The following GAN variants were observed in gnomAD, a reference collection of about 807,000 sequenced individuals.
GAN encodes gigaxonin.
GAN carries 48 observed loss-of-function variants against 71.3 expected under a neutral mutation model. That is an observed-to-expected ratio of 0.67 (90% CI 0.53 to 0.86). GAN has a LOEUF of 0.86. GAN is among the 40% of genes least tolerant of loss of function. The pLI, the probability that GAN is intolerant of heterozygous loss-of-function variation, is 0.00. For synonymous variants in GAN, 386 were observed against 276.8 expected, an observed-to-expected ratio of 1.39 and a Z score of -3.92; for missense variants, 928 against 770.1, an observed-to-expected ratio of 1.21 and a Z score of -2.43.
In GAN at chr16:81,340,263, T is replaced by A. The variant is rs560565036; in HGVS notation, c.168-11320T>A. ...CAAAACCTGTACTCATTAGAAATGA[T>A]CCTCTTTCATTGTGGAAACATATGA... On this transcript the variant is annotated intron_variant, in intron 1 of 10. Coordinates refer to ENST00000648994, the MANE Select transcript of GAN (RefSeq NM_022041.4). Among the ~76,000 whole-genome samples the A allele has an allele frequency of 3.9e-5, 6 of 152,270 alleles. No individual in the cohort carries two copies. The South Asian group carries it at 1.2e-3, about 32-fold the overall frequency.
At chr16:81,337,136 G>A (rs1334140624) in intron 1 of GAN, among the ~76,000 whole-genome samples, 1 of 152,138 alleles carries the variant, frequency 6.6e-6, no homozygotes, top group African/African-American at 2.4e-5. Flanking sequence ...CAAAAAAGCA[G>A]TTGGAGGGCA....
chr16:81,339,954 C>T (rs1431478557), intron 1 of GAN, among the ~76,000 whole-genome samples: 2 of 152,146 alleles, frequency 1.3e-5, no homozygotes, highest in African/African-American at 2.4e-5. Context: ...TACAGCAATT[C>T]ATTTTTTCAT....
intron 1 of GAN, among the ~76,000 whole-genome samples, chr16:81,351,229 G>T (rs1910289671): frequency 6.6e-6 from 1 of 152,106 alleles, no homozygotes; most frequent in Non-Finnish European, 1.5e-5. Flanking sequence ...GCAGGTTTGT[G>T]GAGTCCTTGT....
At position 81,378,948 on chromosome 16, in the gene GAN, T is replaced by G. The variant is rs1327354369; in HGVS notation, c.*1352T>G. ...TGTGAAATCGGGGACTTCAAAGTGC[T>G]TGATTCCTTCCTAAATTGAATTTTA... On this transcript the variant is annotated 3_prime_UTR_variant, in exon 11 of 11. Transcript: ENST00000648994. The G allele has an allele frequency of 6.6e-6, 1 of 152,386 alleles. No individual in the cohort carries two copies. The highest frequency in any genetic ancestry group is 1.5e-5 in the Non-Finnish European group (1 of 68,036). The allele number at this position is 152,386 out of a possible 1,614,324, so 9.4% of individuals were successfully genotyped here.
intron 3 of GAN, among the ~76,000 whole-genome samples, chr16:81,355,006 T>A (rs1465375567): frequency 3.3e-5 from 5 of 152,188 alleles, no homozygotes; most frequent in African/African-American, 1.2e-4. Flanking sequence ...TGTATGTTGT[T>A]TTTAATGGGA....
intron 6 of GAN, among the ~76,000 whole-genome samples, 190 bp downstream of exon 6, chr16:81,362,801 GT>G (rs1249118304): frequency 6.6e-6 from 1 of 152,060 alleles, no homozygotes; most frequent in Non-Finnish European, 1.5e-5. Context: ...GCCTCCATGA[GT>G]TTCTGAAATC....
chr16:81,371,119 G>C (rs186279763), intron 9 of GAN, among the ~76,000 whole-genome samples: 1 of 149,154 alleles, frequency 6.7e-6, no homozygotes. Flanking sequence ...ATTTATGTTA[G>C]TTATTTATTT....
chr16:81,321,217 T>C (rs2150666888), intron 1 of GAN, among the ~76,000 whole-genome samples: 1 of 152,338 alleles, frequency 6.6e-6, no homozygotes, highest in South Asian at 2.1e-4. Context: ...ACAAAATTCT[T>C]GTTAGACTAG....
At chr16:81,339,515 T>C (rs953034541) in intron 1 of GAN, among the ~76,000 whole-genome samples, 6 of 152,212 alleles carry the variant, frequency 3.9e-5, no homozygotes, top group African/African-American at 1.4e-4. Context: ...TGTAAACTGC[T>C]GGGCTAGGTT....
chr16:81,365,475 AAAGGTAACT>A lies in GAN; in HGVS notation c.1502+1_1502+9del. ...TCCGAGTTCTACCATGATGAGTTTA[AAAGGTAACT>A]AAGAATGGTTTCACATAGCTACTGC... is the stretch of plus-strand genomic sequence containing the variant. On this transcript the variant is annotated splice_donor_variant and splice_donor_5th_base_variant and coding_sequence_variant and intron_variant, in exon 9 of 11. Transcript: ENST00000648994. LOFTEE classifies it high-confidence loss of function. The A allele has an allele frequency of 6.2e-7, 1 of 1,613,550 alleles. No homozygotes were observed. The highest frequency in any genetic ancestry group is 8.5e-7 in the Non-Finnish European group (1 of 1,179,822).
At position 81,362,195 on chromosome 16, in the gene GAN, A is replaced by G. The variant is rs150660985; in HGVS notation, c.974-304A>G. Among the ~76,000 whole-genome samples, 312 of 152,274 alleles carry G rather than the reference A, an allele frequency of 2.0e-3. 1 individual carries two copies. The highest frequency in any genetic ancestry group is 6.9e-3 in the African/African-American group (285 of 41,556). ...TGAGAATCCCAGAGGCTGAGAGGGAACAGAAGAGATGAATTGAGATGGCCC... is the reference window on the plus strand; with the variant it reads ...TGAGAATCCCAGAGGCTGAGAGGGAGCAGAAGAGATGAATTGAGATGGCCC... On this transcript the variant is annotated intron_variant, in intron 5 of 10. Transcript: ENST00000648994.
intron 1 of GAN, among the ~76,000 whole-genome samples, chr16:81,335,168 C>G (rs922561487): frequency 1.3e-5 from 2 of 150,994 alleles, no homozygotes; most frequent in Admixed American, 1.3e-4. Flanking sequence ...AGGGGTGTTC[C>G]AGGCAGGGAG....
chr16:81,356,723 T>C, intron 3 of GAN, 62 bp from the exon 4 acceptor site: 1 of 1,137,788 alleles, frequency 8.8e-7, no homozygotes, highest in East Asian at 2.3e-5. Context: ...AAATGTAGAT[T>C]CTAAAAATGA....
intron 9 of GAN, among the ~76,000 whole-genome samples, chr16:81,371,674 A>T (rs1438871905): frequency 6.6e-6 from 1 of 151,984 alleles, no homozygotes; most frequent in Non-Finnish European, 1.5e-5. Context: ...CACTTTGGAG[A>T]TCCTGGTTGC....
chr16:81,350,840 CAA>C lies in GAN; in HGVS notation c.168-740_168-739del, dbSNP rs544980440. On this transcript the variant is annotated intron_variant, in intron 1 of 10. Transcript: ENST00000648994. ...AGCCGAAAAATTCTTTAACATAGCA[CAA>C]AAGAGTCATATGCAATAATAGTCAT... 3.2e-3 allele frequency among the ~76,000 whole-genome samples: 491 copies of C among 152,198 alleles called. 2 individuals are homozygous for C. Among genetic ancestry groups the C allele is most frequent in the African/African-American group, 0.011 (460 of 41,532 alleles).
rs540421322 is a variant in GAN, at chr16:81,354,284, A to G, written c.283-121A>G. The stretch of plus-strand genomic sequence containing the variant: ...CTGGGTTAAACCATATGAAATTGCC[A>G]ATATTCGATTATCTTTGATCTAAAA... On this transcript the variant is annotated intron_variant, in intron 2 of 10. Coordinates refer to ENST00000648994, the MANE Select transcript of GAN (RefSeq NM_022041.4). 94 of 724,708 alleles carry G rather than the reference A, an allele frequency of 1.3e-4. No homozygotes were observed. The African/African-American group carries it at 1.4e-3, about 11-fold the overall frequency. 44.9% of individuals were successfully genotyped at this position (724,708 alleles called of 1,614,324 possible).
At chr16:81,319,667 T>C (rs781182626) in intron 1 of GAN, among the ~76,000 whole-genome samples, 3 of 152,166 alleles carry the variant, frequency 2.0e-5, no homozygotes, top group Non-Finnish European at 2.9e-5. Flanking sequence ...GATTTTTAGA[T>C]CCTTTGATGA....
At chr16:81,358,379 C>G (rs972114887) in intron 5 of GAN, among the ~76,000 whole-genome samples, 3 of 152,026 alleles carry the variant, frequency 2.0e-5, no homozygotes, top group Non-Finnish European at 4.4e-5. Flanking sequence ...GTTTAGGAGG[C>G]TAAAGTGAGA....
At chr16:81,372,990 A>C (rs1478644496) in intron 9 of GAN, among the ~76,000 whole-genome samples, 2 of 152,198 alleles carry the variant, frequency 1.3e-5, no homozygotes, top group African/African-American at 4.8e-5. Context: ...TGTTAGTTGA[A>C]TCAAATGTAG....
Sources: gnomAD v4.1 joint callset for allele counts (sites outside exome capture counted in the v4.1 genomes callset) on GRCh38, gnomAD v4.1.1 for gene constraint, MANE v1.5 for transcripts, NCBI Gene and HGNC (gene_info 2026-07-23, HGNC 2026-07-21) for gene names.